The following MCTP2 variants were observed in gnomAD, a reference collection of about 807,000 sequenced individuals.
MCTP2 encodes the protein multiple C2 and transmembrane domain containing 2.
A neutral mutation model predicts 111.6 loss-of-function variants in MCTP2; 132 were observed. The observed-to-expected ratio is 1.18, with a 90% CI of 1.03 to 1.37. The LOEUF is 1.37. MCTP2 is among the 40% of genes most tolerant of loss of function. The probability of loss-of-function intolerance (pLI) is 0.00; values close to 1 mark genes in which losing one functional copy is unlikely to be tolerated. For missense variants in MCTP2, 1,183 were observed against 1,067.9 expected (o/e 1.11, Z -1.50); for synonymous variants, 395 against 387.7 (o/e 1.02, Z -0.22).
intron 12 of MCTP2, among the ~76,000 whole-genome samples, chr15:94,383,207 C>T (rs1254505640): frequency 2.0e-5 from 3 of 152,182 alleles, no homozygotes; most frequent in Admixed American, 6.5e-5. Flanking sequence ...CAGAGCTTAA[C>T]TCCTAAAGAG....
At chr15:94,264,508 C>G (rs1237709914) in intron 1 of MCTP2, among the ~76,000 whole-genome samples, 1 of 151,928 alleles carries the variant, frequency 6.6e-6, no homozygotes, top group Admixed American at 6.6e-5. Context: ...ACTCGGGAGG[C>G]TGAGGCAGGA....
intron 1 of MCTP2, among the ~76,000 whole-genome samples, chr15:94,280,452 A>G (rs149535093): frequency 4.0e-5 from 6 of 148,998 alleles, no homozygotes; most frequent in Admixed American, 3.3e-4. Context: ...GTCGTGGGTA[A>G]CGTCTGCTTT....
intron 1 of MCTP2, among the ~76,000 whole-genome samples, chr15:94,283,634 C>T (rs983893575): frequency 5.3e-5 from 8 of 152,128 alleles, no homozygotes; most frequent in Non-Finnish European, 1.0e-4. Flanking sequence ...GTAGAGTTCC[C>T]AGCTTCTTAC....
intron 4 of MCTP2, among the ~76,000 whole-genome samples, chr15:94,335,211 C>A (rs909390028): frequency 3.9e-5 from 6 of 152,180 alleles, no homozygotes; most frequent in Admixed American, 3.3e-4. Flanking sequence ...TACCCTGCTG[C>A]TCGTGAGTGA....
In MCTP2 at chr15:94,358,488, T is replaced by G; in HGVS notation, c.1177T>G (p.Cys393Gly). Residue 393 changes from cysteine (C) to glycine (G), a missense_variant, in exon 10 of 23, where the codon TGT (cysteine) becomes GGT (glycine). Coordinates refer to ENST00000357742, the MANE Select transcript of MCTP2 (RefSeq NM_001385001.1). ...GDQRYKSKTL[C>G]KSANPQWQEQ... ...ATAACTGCATGTTTTCTAGACACTGTGTAAGAGTGCAAATCCGCAGTGGCA... is the reference window on the plus strand; with the variant it reads ...ATAACTGCATGTTTTCTAGACACTGGGTAAGAGTGCAAATCCGCAGTGGCA... 1 of 1,613,228 alleles carries G rather than the reference T, an allele frequency of 6.2e-7. No homozygotes were observed. The highest frequency in any genetic ancestry group is 1.1e-5 in the South Asian group (1 of 91,062).
At position 94,356,248 on chromosome 15, in the gene MCTP2, A is replaced by G. The variant is rs376314644; in HGVS notation, c.1117A>G (p.Met373Val). Residue 373 changes from methionine (M) to valine (V), a missense_variant, in exon 9 of 23, where the codon ATG (methionine) becomes GTG (valine). Coordinates refer to ENST00000357742, the MANE Select transcript of MCTP2 (RefSeq NM_001385001.1). ...LEGKNVSGGS[M>V]TEMFVQLKLG... Reference sequence around the variant, plus strand: ...AGGGAAGAATGTCTCAGGAGGAAGCATGACAGAGATGTTTGTCCAGTTAAA... The same window carrying G: ...AGGGAAGAATGTCTCAGGAGGAAGCGTGACAGAGATGTTTGTCCAGTTAAA... 9 of 1,612,908 alleles carry G rather than the reference A, an allele frequency of 5.6e-6. No homozygotes were observed. In the African/African-American group the frequency reaches 9.3e-5, roughly 17 times the overall value.
chr15:94,474,117 TA>T (rs1210167292), intron 21 of MCTP2, among the ~76,000 whole-genome samples: 2 of 152,210 alleles, frequency 1.3e-5, no homozygotes, highest in African/African-American at 4.8e-5. Context: ...TTTCTTTCGC[TA>T]AAAGTAATTT....
At chr15:94,242,940 T>G (rs2071094292) in intron 1 of MCTP2, among the ~76,000 whole-genome samples, 1 of 138,418 alleles carries the variant, frequency 7.2e-6, no homozygotes. Flanking sequence ...TACACGTGTA[T>G]ATGTAGATAC....
chr15:94,248,378 C>T (rs1307477396), intron 1 of MCTP2, among the ~76,000 whole-genome samples: 2 of 152,158 alleles, frequency 1.3e-5, no homozygotes, highest in Admixed American at 1.3e-4. Flanking sequence ...TGGGCCTCTT[C>T]CAGGCAAGGA....
intron 4 of MCTP2, among the ~76,000 whole-genome samples, chr15:94,316,849 C>A (rs961930204): frequency 6.6e-6 from 1 of 151,880 alleles, no homozygotes; most frequent in African/African-American, 2.4e-5. Flanking sequence ...TTTCTTGCTT[C>A]GGTTCTTGGA....
chr15:94,243,960 TAC>T (rs200181169), intron 1 of MCTP2, among the ~76,000 whole-genome samples: 2,249 of 147,228 alleles, frequency 0.015, 36 homozygotes, highest in Non-Finnish European at 0.023. Flanking sequence ...TGTATATATT[TAC>T]ACACACATAT....
chr15:94,433,221 C>G (rs181821926), intron 17 of MCTP2, among the ~76,000 whole-genome samples: 4 of 152,144 alleles, frequency 2.6e-5, no homozygotes, highest in African/African-American at 4.8e-5. Flanking sequence ...TTTCATGAGT[C>G]ATGTTCTCCT....
chr15:94,459,094 A>T (rs757014439), intron 20 of MCTP2, among the ~76,000 whole-genome samples: 4 of 152,200 alleles, frequency 2.6e-5, no homozygotes, highest in Non-Finnish European at 4.4e-5. Context: ...TGGCACCAAT[A>T]AGTGGAAGGT....
Position 94,470,443 on chromosome 15 carries a change from G to GTA in MCTP2, c.2470+2_2470+3dup, listed in dbSNP as rs1567782967. ...CTGCGGTACATCATTTTAATCTGGG[G>GTA]TAAGTTTGGAATGGTCCTTTTGCTA... On this transcript the variant is annotated splice_donor_variant, in intron 21 of 22. Transcript: ENST00000357742. LOFTEE classifies it high-confidence loss of function. 6.3e-7 allele frequency: 1 copy of GTA among 1,594,926 alleles called. No individual in the cohort carries two copies. Among genetic ancestry groups the GTA allele is most frequent in the Admixed American group, 1.7e-5 (1 of 59,994 alleles).
intron 4 of MCTP2, among the ~76,000 whole-genome samples, chr15:94,322,589 G>A (rs2076679795): frequency 1.3e-5 from 2 of 152,204 alleles, no homozygotes; most frequent in African/African-American, 4.8e-5. Context: ...GCCAAAGTTT[G>A]TTGACCTCTG....
rs1460474529 is a variant in MCTP2, at chr15:94,483,811, A to G, written c.*4777A>G. ...ATGACAAGCCTCTCTGACACAGTTT[A>G]CCTATGTAACAAACCTGCACAGTTA... On this transcript the variant is annotated 3_prime_UTR_variant, in exon 23 of 23. Transcript: ENST00000357742. 6.6e-6 allele frequency: 1 copy of G among 152,202 alleles called. No homozygotes were observed. Among genetic ancestry groups the G allele is most frequent in the African/African-American group, 2.4e-5 (1 of 41,448 alleles). The allele number at this position is 152,202 out of a possible 1,614,324, so 9.4% of individuals were successfully genotyped here.
At chr15:94,255,076 T>A (rs1178569822) in intron 1 of MCTP2, among the ~76,000 whole-genome samples, 27 of 152,184 alleles carry the variant, frequency 1.8e-4, no homozygotes, top group Admixed American at 1.8e-3. Context: ...TCAGACCTGT[T>A]CTTCTTCCTT....
rs369953247 is a variant in MCTP2 at position 94,340,280 on chromosome 15, C to A, written c.857+5C>A. The stretch of plus-strand genomic sequence containing the variant: ...CAGTGATCTTGAGCTTAACAGGTAC[C>A]GTATTTTTACATTTTAATTGTTATT... On this transcript the variant is annotated splice_donor_5th_base_variant and intron_variant, in intron 6 of 22. Coordinates refer to ENST00000357742, the MANE Select transcript of MCTP2 (RefSeq NM_001385001.1). The A allele has an allele frequency of 1.2e-6, 2 of 1,600,234 alleles. No individual in the cohort carries two copies. The highest frequency in any genetic ancestry group is 1.7e-6 in the Non-Finnish European group (2 of 1,167,948).
intron 4 of MCTP2, among the ~76,000 whole-genome samples, chr15:94,324,016 G>GT (rs1187377225): frequency 6.6e-6 from 1 of 152,190 alleles, no homozygotes; most frequent in Non-Finnish European, 1.5e-5. Context: ...GATCTGAGTA[G>GT]CTCTTGGCTG....
Sources: gnomAD v4.1 joint callset for allele counts (sites outside exome capture counted in the v4.1 genomes callset) on GRCh38, gnomAD v4.1.1 for gene constraint, MANE v1.5 for transcripts, NCBI Gene and HGNC (gene_info 2026-07-23, HGNC 2026-07-21) for gene names.